KCNK13: variants seen among roughly 807,000 people sequenced by gnomAD.
KCNK13 encodes potassium two pore domain channel subfamily K member 13.
Under a neutral mutation model 23.4 loss-of-function variants are expected in KCNK13, and 12 were observed. That is an observed-to-expected ratio of 0.51 (90% CI 0.33 to 0.83). The LOEUF is 0.83. KCNK13 is among the 40% of genes least tolerant of loss of function. The pLI is 0.02. For synonymous variants in KCNK13, 231 were observed against 229.5 expected (o/e 1.01, Z -0.06); for missense variants, 463 against 556.3 (o/e 0.83, Z 1.69).
At chr14:90,169,944 C>T (rs1890345591) in intron 1 of KCNK13, among the ~76,000 whole-genome samples, 1 of 152,186 alleles carries the variant, frequency 6.6e-6, no homozygotes, top group Non-Finnish European at 1.5e-5. Flanking sequence ...AAATATTTGG[C>T]TGCTTCCCAA....
chr14:90,116,072 T>C (rs185988650), intron 1 of KCNK13, among the ~76,000 whole-genome samples: 321 of 152,326 alleles, frequency 2.1e-3, no homozygotes, highest in Non-Finnish European at 4.0e-3. Flanking sequence ...CCAAAAAAAA[T>C]TTTATTGAGA....
chr14:90,081,809 T>G (rs1039276508), intron 1 of KCNK13, among the ~76,000 whole-genome samples: 1 of 152,080 alleles, frequency 6.6e-6, no homozygotes, highest in East Asian at 1.9e-4. Context: ...TGTTGGGAGG[T>G]GGCGCCTTGA....
intron 1 of KCNK13, among the ~76,000 whole-genome samples, chr14:90,113,601 C>G (rs1260712347): frequency 1.3e-5 from 2 of 152,168 alleles, no homozygotes; most frequent in African/African-American, 2.4e-5. Context: ...TGAGTTTTGA[C>G]CCATGTGCCA....
At chr14:90,161,905 G>A (rs34666427) in intron 1 of KCNK13, among the ~76,000 whole-genome samples, 57,852 of 152,086 alleles carry the variant, frequency 0.38, 11,720 homozygotes, top group Non-Finnish European at 0.43. Context: ...AGGGCTGGAC[G>A]TGGTGGCTCA....
intron 1 of KCNK13, among the ~76,000 whole-genome samples, chr14:90,126,437 CGTG>C (rs1889800965): frequency 9.8e-6 from 1 of 101,554 alleles, no homozygotes; most frequent in African/African-American, 3.6e-5. Flanking sequence ...CTTGATGTGA[CGTG>C]ATGTGACGTG....
chr14:90,077,514 T>C (rs1889154485), intron 1 of KCNK13, among the ~76,000 whole-genome samples: 1 of 152,206 alleles, frequency 6.6e-6, no homozygotes, highest in Non-Finnish European at 1.5e-5. Flanking sequence ...TCAAGTTGGG[T>C]ATTCGTGTTT....
At chr14:90,159,260 C>G (rs976765568) in intron 1 of KCNK13, among the ~76,000 whole-genome samples, 4 of 152,212 alleles carry the variant, frequency 2.6e-5, no homozygotes, top group African/African-American at 9.6e-5. Context: ...AACACTGTTG[C>G]TTTGGAGACT....
At chr14:90,077,399 G>A (rs1889152884) in intron 1 of KCNK13, among the ~76,000 whole-genome samples, 2 of 152,184 alleles carry the variant, frequency 1.3e-5, no homozygotes, top group South Asian at 2.1e-4. Context: ...GGGATTACAG[G>A]TGTGAGCCAC....
chr14:90,094,136 C>T (rs1204724025), intron 1 of KCNK13, among the ~76,000 whole-genome samples: 3 of 152,156 alleles, frequency 2.0e-5, no homozygotes, highest in Admixed American at 6.5e-5. Flanking sequence ...TGTGTGCCTG[C>T]ACCTTGCACA....
intron 1 of KCNK13, among the ~76,000 whole-genome samples, chr14:90,139,552 G>T (rs1159540639): frequency 6.6e-6 from 1 of 152,052 alleles, no homozygotes; most frequent in East Asian, 1.9e-4. Flanking sequence ...TCTAAGCAAG[G>T]GAGTGATGAG....
At chr14:90,170,790 T>A (rs186440327) in intron 1 of KCNK13, among the ~76,000 whole-genome samples, 1 of 152,164 alleles carries the variant, frequency 6.6e-6, no homozygotes, top group East Asian at 1.9e-4. Context: ...TCAGATAGCA[T>A]AGACAAAATG....
intron 1 of KCNK13, among the ~76,000 whole-genome samples, chr14:90,182,020 G>C (rs1890493465): frequency 6.6e-6 from 1 of 152,160 alleles, no homozygotes; most frequent in African/African-American, 2.4e-5. Flanking sequence ...CCAGAGAAGA[G>C]ATGATGGTCT....
chr14:90,145,355 T>C (rs529272468), intron 1 of KCNK13, among the ~76,000 whole-genome samples: 1 of 152,214 alleles, frequency 6.6e-6, no homozygotes, highest in South Asian at 2.1e-4. Flanking sequence ...ATCACTCCAC[T>C]GTACCCCAGC....
Position 90,146,950 on chromosome 14 carries a change from G to T in KCNK13, c.335-37161G>T, listed in dbSNP as rs1452247027. On this transcript the variant is annotated intron_variant, in intron 1 of 1. Coordinates refer to ENST00000282146, the MANE Select transcript of KCNK13 (RefSeq NM_022054.4). ...AATTCTTCAGTGTGTTATTTTAATG[G>T]TTATTCAGTAACCATTAAAGGTTTA... 2.0e-5 allele frequency among the ~76,000 whole-genome samples: 3 copies of T among 151,868 alleles called. No homozygotes were observed. In the East Asian group the frequency reaches 5.8e-4, roughly 29 times the overall value.
intron 1 of KCNK13, among the ~76,000 whole-genome samples, chr14:90,120,439 A>T (rs1889725372): frequency 2.0e-5 from 3 of 152,198 alleles, no homozygotes; most frequent in Admixed American, 2.0e-4. Flanking sequence ...TAATTGGCTC[A>T]CAGTTCTAAG....
intron 1 of KCNK13, among the ~76,000 whole-genome samples, chr14:90,142,313 C>CTTTTTTTTTTTTTTTTTTT (rs59863610): frequency 2.3e-5 from 2 of 85,250 alleles, no homozygotes; most frequent in Non-Finnish European, 4.1e-5. Context: ...CTGTCCAATT[C>CTTTTTTTTTTTTTTTTTTT]TTTTTTTTTT....
At chr14:90,109,443 C>T (rs1889588163) in intron 1 of KCNK13, among the ~76,000 whole-genome samples, 1 of 131,146 alleles carries the variant, frequency 7.6e-6, no homozygotes, top group East Asian at 2.3e-4. Context: ...GAGTCTTGCT[C>T]TGACATCCAG....
chr14:90,085,726 AAT>A (rs35904557), intron 1 of KCNK13, among the ~76,000 whole-genome samples: 3,359 of 139,762 alleles, frequency 0.024, 110 homozygotes, highest in African/African-American at 0.075. Context: ...ACTTATATAT[AAT>A]ATATATATAC....
intron 1 of KCNK13, among the ~76,000 whole-genome samples, chr14:90,078,719 C>T (rs1889172757): frequency 6.6e-6 from 1 of 152,030 alleles, no homozygotes; most frequent in Non-Finnish European, 1.5e-5. Context: ...TGGGTGAAGA[C>T]CGAGCTCCCG....
Sources: gnomAD v4.1 joint callset for allele counts (sites outside exome capture counted in the v4.1 genomes callset) on GRCh38, gnomAD v4.1.1 for gene constraint, MANE v1.5 for transcripts, NCBI Gene and HGNC (gene_info 2026-07-23, HGNC 2026-07-21) for gene names.